Variants in PSMG2 observed in about 807,000 individuals in gnomAD.
PSMG2 encodes CD40 ligand-activated specific transcript 3.
Under a neutral mutation model 31.5 loss-of-function variants are expected in PSMG2, and 21 were observed. The observed-to-expected ratio is 0.67, with a 90% CI of 0.47 to 0.96. The LOEUF (loss-of-function observed/expected upper bound fraction) is 0.96, where lower values mean the gene tolerates loss of function less well. Among genes scored for constraint, PSMG2 ranks in the 40% least tolerant of loss-of-function variants. PSMG2 has a pLI of 0.00. For synonymous variants in PSMG2, 120 were observed against 110.4 expected (o/e 1.09, Z -0.54); for missense variants, 318 against 321.2 (o/e 0.99, Z 0.08).
chr18:12,671,860 G>T (rs1047443905), intron 1 of PSMG2, among the ~76,000 whole-genome samples: 2 of 151,872 alleles, frequency 1.3e-5, no homozygotes, highest in East Asian at 3.9e-4. Context: ...TTGCTCTGTT[G>T]CCCACGCTGG....
rs543191876 is a variant in PSMG2 at position 12,660,731 on chromosome 18, A to AGTATATATCACTGTTG, written c.-37+1959_-37+1960insTATATATCACTGTTGG. 2.7e-4 allele frequency among the ~76,000 whole-genome samples: 41 copies of AGTATATATCACTGTTG among 150,410 alleles called. 1 individual carries two copies. The South Asian group carries it at 8.5e-3, about 31-fold the overall frequency. ...GGAGACATTACTGCACTGTATCACA[A>AGTATATATCACTGTTG]GACAGTTATATCCAACAGAAGGGCT... On this transcript the variant is annotated intron_variant, in intron 1 of 6. Transcript: ENST00000585331.
At chr18:12,661,305 T>A in intron 1 of PSMG2, 1 of 931,172 alleles carries the variant, frequency 1.1e-6, no homozygotes, top group Non-Finnish European at 1.3e-6. Flanking sequence ...TGAGCCTTCA[T>A]CTCAAAAAAG....
chr18:12,720,732 A>G (rs369637163), intron 5 of PSMG2, 49 bp downstream of exon 5: 7 of 1,561,050 alleles, frequency 4.5e-6, no homozygotes, highest in Non-Finnish European at 5.2e-6. Context: ...TTAAAAATGA[A>G]ATTAATGCAG....
At chr18:12,713,634 C>T (rs1031475457) in intron 3 of PSMG2, among the ~76,000 whole-genome samples, 2 of 152,150 alleles carry the variant, frequency 1.3e-5, no homozygotes, top group African/African-American at 4.8e-5. Context: ...GAAGCTTGTT[C>T]TCTGCAGACT....
chr18:12,691,295 A>G (rs748767998), intron 1 of PSMG2: 3 of 1,040,074 alleles, frequency 2.9e-6, no homozygotes, highest in Non-Finnish European at 4.1e-6. Flanking sequence ...ATTAAATGAA[A>G]TTTACACACA....
chr18:12,661,045 C>T (rs1020149444), intron 1 of PSMG2, among the ~76,000 whole-genome samples: 3 of 152,080 alleles, frequency 2.0e-5, no homozygotes, highest in Non-Finnish European at 2.9e-5. Context: ...TGGTGGCTCA[C>T]GCCTGTAATC....
At chr18:12,668,695 C>G (rs1292250278) in intron 1 of PSMG2, among the ~76,000 whole-genome samples, 1 of 136,202 alleles carries the variant, frequency 7.3e-6, no homozygotes, top group Non-Finnish European at 1.5e-5. Context: ...AAAGAAGATT[C>G]AACTATGTGT....
At chr18:12,708,656 G>T (rs1433898911) in intron 2 of PSMG2, among the ~76,000 whole-genome samples, 2 of 146,570 alleles carry the variant, frequency 1.4e-5, no homozygotes, top group Non-Finnish European at 3.0e-5. Context: ...AAGCCGCTGC[G>T]CCCAGCGGCG....
In PSMG2 at chr18:12,676,554, C is replaced by T. The variant is rs138743770; in HGVS notation, c.-37+17781C>T. Reference sequence around the variant, plus strand: ...CCTCCCAAACTGCTGGGATTACAGGCGTGAGACACTGTGCCTGGCCAAAAG... The same window carrying T: ...CCTCCCAAACTGCTGGGATTACAGGTGTGAGACACTGTGCCTGGCCAAAAG... On this transcript the variant is annotated intron_variant, in intron 1 of 6. Transcript: ENST00000585331. 3.0e-3 allele frequency among the ~76,000 whole-genome samples: 449 copies of T among 152,020 alleles called. 1 individual carries two copies. The highest frequency in any genetic ancestry group is 4.4e-3 in the Non-Finnish European group (300 of 67,982).
At chr18:12,705,302 G>A (rs2040253258) in intron 1 of PSMG2, among the ~76,000 whole-genome samples, 1 of 152,118 alleles carries the variant, frequency 6.6e-6, no homozygotes, top group Admixed American at 6.6e-5. Context: ...AACCTCAGGT[G>A]ATCCACCTGC....
At position 12,711,931 on chromosome 18, in the gene PSMG2, T is replaced by G. The variant is rs546716488; in HGVS notation, c.230-771T>G. Among the ~76,000 whole-genome samples the G allele has an allele frequency of 2.6e-5, 4 of 152,162 alleles. No homozygotes were observed. The South Asian group carries it at 8.3e-4, about 32-fold the overall frequency. The stretch of plus-strand genomic sequence containing the variant: ...GCCAAGCCTGGCTAATTTTTTTATT[T>G]TTTAGTAGAGACGGGGTTTCATTCA... On this transcript the variant is annotated intron_variant, in intron 2 of 6. Transcript: ENST00000317615.
In PSMG2 at chr18:12,711,049, G is replaced by A. The variant is rs147418664; in HGVS notation, c.230-1653G>A. On this transcript the variant is annotated intron_variant, in intron 2 of 6. Transcript: ENST00000317615. ...CAGGAGGTAGAGGTTGCAGTGACCC[G>A]AGATCACACCATTGTACTCCAGTCT... Among the ~76,000 whole-genome samples the A allele has an allele frequency of 1.2e-3, 181 of 151,762 alleles. 1 individual carries two copies. The highest frequency in any genetic ancestry group is 7.2e-3 in the East Asian group (37 of 5,152).
chr18:12,705,566 A>AGTGTGT lies in PSMG2; in HGVS notation c.58-983_58-982insTGTGTG, dbSNP rs1380856845. 2.8e-3 allele frequency among the ~76,000 whole-genome samples: 356 copies of AGTGTGT among 128,500 alleles called. 1 individual carries two copies. The highest frequency in any genetic ancestry group is 7.4e-3 in the African/African-American group (250 of 33,978). 84.3% of individuals were successfully genotyped at this position (128,500 alleles called of 152,430 possible). ...GAAAAAGAGAGAGAGAGAGAGAGAG[A>AGTGTGT]GAGAGAGAGAGTGTGTGTGTGTGTG... On this transcript the variant is annotated intron_variant, in intron 1 of 6. Coordinates refer to ENST00000317615, the MANE Select transcript of PSMG2 (RefSeq NM_020232.5).
chr18:12,716,948 CTTTTTT>C (rs56726339), intron 3 of PSMG2, among the ~76,000 whole-genome samples: 3 of 116,744 alleles, frequency 2.6e-5, no homozygotes, highest in Non-Finnish European at 3.5e-5. Context: ...TTTTCTTTTA[CTTTTTT>C]TTTTTTTTTT....
chr18:12,710,871 G>A (rs896106467), intron 2 of PSMG2, among the ~76,000 whole-genome samples: 4 of 152,248 alleles, frequency 2.6e-5, no homozygotes, highest in East Asian at 1.9e-4. Flanking sequence ...AGGCCAAGAC[G>A]GGTGGATTGC....
At chr18:12,667,837 G>C (rs543102836) in intron 1 of PSMG2, among the ~76,000 whole-genome samples, 5 of 144,298 alleles carry the variant, frequency 3.5e-5, no homozygotes, top group Non-Finnish European at 7.5e-5. Flanking sequence ...ACCTGCAGGT[G>C]CTTTCTGATC....
At chr18:12,719,951 A>T (rs1167611570) in intron 4 of PSMG2, among the ~76,000 whole-genome samples, 1 of 151,814 alleles carries the variant, frequency 6.6e-6, no homozygotes, top group Non-Finnish European at 1.5e-5. Context: ...TCCTGACCTC[A>T]GGTGATTTGC....
intron 1 of PSMG2, among the ~76,000 whole-genome samples, chr18:12,693,888 A>G (rs1266375141): frequency 6.6e-6 from 1 of 152,202 alleles, no homozygotes; most frequent in Non-Finnish European, 1.5e-5. Context: ...GCTAGTGTGC[A>G]GTGGTACAAT....
chr18:12,711,638 G>A (rs1025596531), intron 2 of PSMG2, among the ~76,000 whole-genome samples: 3 of 151,888 alleles, frequency 2.0e-5, no homozygotes, highest in African/African-American at 7.3e-5. Context: ...ATCCACCAAA[G>A]GATTTGCTGT....
Sources: gnomAD v4.1 joint callset for allele counts (sites outside exome capture counted in the v4.1 genomes callset) on GRCh38, gnomAD v4.1.1 for gene constraint, MANE v1.5 for transcripts, NCBI Gene and HGNC (gene_info 2026-07-23, HGNC 2026-07-21) for gene names.